SLFN12: variants seen among roughly 807,000 people sequenced by gnomAD.
SLFN12 encodes ribonuclease SLFN12.
A neutral mutation model predicts 29.1 loss-of-function variants in SLFN12; 25 were observed. The ratio of observed to expected loss-of-function variants is 0.86; its 90% confidence interval spans 0.63 to 1.20. The LOEUF is 1.20. Among genes scored for constraint, SLFN12 ranks in the 50% most tolerant of loss-of-function variants. The pLI is 0.00. For missense variants in SLFN12, 660 were observed against 666.2 expected (o/e 0.99, Z 0.10); for synonymous variants, 257 against 238.7 (o/e 1.08, Z -0.71).
At chr17:35,426,341 C>A (rs1044385989) in intron 1 of SLFN12, among the ~76,000 whole-genome samples, 1 of 151,974 alleles carries the variant, frequency 6.6e-6, no homozygotes, top group African/African-American at 2.4e-5. Flanking sequence ...GCCTGTCCGC[C>A]ATTGGGATGA....
At chr17:35,419,637 C>T (rs1911512976) in intron 3 of SLFN12, among the ~76,000 whole-genome samples, 1 of 152,068 alleles carries the variant, frequency 6.6e-6, no homozygotes, top group Admixed American at 6.5e-5. Flanking sequence ...AAAAATTTGA[C>T]AACTGGAGAA....
intron 1 of SLFN12, among the ~76,000 whole-genome samples, chr17:35,426,086 G>A (rs9913995): frequency 6.6e-6 from 1 of 151,020 alleles, no homozygotes. Flanking sequence ...TTGTCCATTA[G>A]AATGTCTTCT....
Position 35,411,796 on chromosome 17 carries a change from T to A in SLFN12, c.1279A>T (p.Ser427Cys), listed in dbSNP as rs1270705809. 2 of 1,614,076 alleles carry A rather than the reference T, an allele frequency of 1.2e-6. No individual in the cohort carries two copies. The highest frequency in any genetic ancestry group is 2.2e-5 in the East Asian group (1 of 44,874). Residue 427 changes from serine to cysteine, a missense_variant, in exon 4 of 4, where the codon AGC (serine) becomes TGC (cysteine). Ser to Cys is a moderately radical substitution (Grantham distance 112). Coordinates refer to ENST00000304905, the MANE Select transcript of SLFN12 (RefSeq NM_018042.5). ...VRKGSLIFSR[S>C]WSVDLGLQEN... ...TGCAAGCCCAGATCCACAGACCAGC[T>A]CCTAGAGAAGATCAGTGAGCCCTTT...
chr17:35,418,264 G>A (rs1235741994), intron 3 of SLFN12, among the ~76,000 whole-genome samples: 1 of 152,106 alleles, frequency 6.6e-6, no homozygotes, highest in Non-Finnish European at 1.5e-5. Flanking sequence ...ATTCTAGAAA[G>A]AGGATTATCT....
At chr17:35,429,241 G>T (rs773199789) in intron 1 of SLFN12, among the ~76,000 whole-genome samples, 23 of 151,976 alleles carry the variant, frequency 1.5e-4, no homozygotes, top group Admixed American at 2.6e-4. Context: ...TCATACCACT[G>T]AGAAACTTGG....
At chr17:35,412,041 G>T in intron 3 of SLFN12, 114 bp from the exon 4 acceptor site, 1 of 728,382 alleles carries the variant, frequency 1.4e-6, no homozygotes, top group Non-Finnish European at 2.1e-6. Context: ...TGTAAAAGTT[G>T]TATAAAATAT....
chr17:35,423,203 C>G, intron 1 of SLFN12, 135 bp from the exon 2 acceptor site: 2 of 983,772 alleles, frequency 2.0e-6, no homozygotes, highest in Non-Finnish European at 2.7e-6. Context: ...TATGAAGAGA[C>G]TGGCAAATTT....
intron 1 of SLFN12, among the ~76,000 whole-genome samples, chr17:35,429,328 C>T (rs1047416600): frequency 1.3e-5 from 2 of 152,066 alleles, no homozygotes; most frequent in East Asian, 1.9e-4. Flanking sequence ...CCGGTCACCC[C>T]AGTCCAACAT....
chr17:35,424,112 G>T (rs1911862379), intron 1 of SLFN12, among the ~76,000 whole-genome samples: 1 of 152,072 alleles, frequency 6.6e-6, no homozygotes, highest in Non-Finnish European at 1.5e-5. Context: ...AATCTATTAG[G>T]ATCACTGCTT....
intron 2 of SLFN12, among the ~76,000 whole-genome samples, chr17:35,421,300 G>A (rs545120247): frequency 1.3e-5 from 2 of 151,306 alleles, no homozygotes; most frequent in African/African-American, 4.8e-5. Context: ...AAGTAAAAGA[G>A]GCAAATGTTC....
intron 1 of SLFN12, among the ~76,000 whole-genome samples, chr17:35,430,997 G>C (rs980986601): frequency 2.6e-5 from 4 of 152,058 alleles, no homozygotes; most frequent in African/African-American, 9.7e-5. Flanking sequence ...GTTGTGAAGG[G>C]GTTGATTGTT....
intron 1 of SLFN12, among the ~76,000 whole-genome samples, chr17:35,423,838 G>A (rs982340958): frequency 1.3e-5 from 2 of 152,084 alleles, no homozygotes; most frequent in African/African-American, 4.8e-5. Flanking sequence ...CTCCTAAAAG[G>A]GACCCCGGAA....
chr17:35,423,710 T>C (rs1396474329), intron 1 of SLFN12, among the ~76,000 whole-genome samples: 1 of 152,164 alleles, frequency 6.6e-6, no homozygotes, highest in Non-Finnish European at 1.5e-5. Context: ...TGTGCTATGG[T>C]TTGAATGTTT....
At chr17:35,420,141 T>G in intron 3 of SLFN12, 133 bp downstream of exon 3, 2 of 640,776 alleles carry the variant, frequency 3.1e-6, no homozygotes, top group Non-Finnish European at 5.4e-6. Context: ...ATTCAATGAC[T>G]TAAAACACCA....
intron 3 of SLFN12, among the ~76,000 whole-genome samples, chr17:35,416,169 A>C (rs1911298120): frequency 6.6e-6 from 1 of 152,190 alleles, no homozygotes. Context: ...GAATGCTATC[A>C]GTCATAAAAA....
Position 35,422,945 on chromosome 17 carries a change from C to G in SLFN12, c.84G>C (p.Arg28Ser), listed in dbSNP as rs769296677. 2 of 1,613,774 alleles carry G rather than the reference C, an allele frequency of 1.2e-6. No homozygotes were observed. The highest frequency in any genetic ancestry group is 1.7e-6 in the Non-Finnish European group (2 of 1,179,970). ...VGRVTLGENS[R>S]KKMKDCKLRK... is the part of the protein sequence containing the mutation. ...TCAGTTTACAATCCTTCATTTTTTT[C>G]CTACTGTTCTCTCCAAGAGTGACTC... Residue 28 changes from arginine (R) to serine (S), a missense_variant, in exon 2 of 4, where the codon AGG becomes AGC. Transcript: ENST00000304905.
chr17:35,431,501 C>G (rs1051599518), intron 1 of SLFN12, among the ~76,000 whole-genome samples: 1 of 152,112 alleles, frequency 6.6e-6, no homozygotes, highest in African/African-American at 2.4e-5. Context: ...GGGCTTAGTA[C>G]TAGGCCTAAG....
chr17:35,423,300 CTCTT>C (rs1911817099), intron 1 of SLFN12, among the ~76,000 whole-genome samples: 1 of 152,052 alleles, frequency 6.6e-6, no homozygotes, highest in Non-Finnish European at 1.5e-5. Flanking sequence ...ATTATGTAAT[CTCTT>C]TATCCGCCTT....
intron 3 of SLFN12, among the ~76,000 whole-genome samples, chr17:35,419,883 C>G (rs899591785): frequency 2.6e-5 from 4 of 152,060 alleles, no homozygotes; most frequent in African/African-American, 9.7e-5. Flanking sequence ...TGCCCATCAT[C>G]AACAACAACA....
Sources: allele counts gnomAD v4.1 joint callset (sites outside exome capture counted in the v4.1 genomes callset), GRCh38; gene constraint gnomAD v4.1.1; transcripts MANE v1.5; gene names NCBI Gene and HGNC (gene_info 2026-07-23, HGNC 2026-07-21).